Variants in DNMBP observed in about 807,000 individuals in gnomAD.
DNMBP encodes the protein dynamin-binding protein.
Under a neutral mutation model 150.0 loss-of-function variants are expected in DNMBP, and 87 were observed. That is an observed-to-expected ratio of 0.58 (90% CI 0.49 to 0.69). The LOEUF (loss-of-function observed/expected upper bound fraction) is 0.69. DNMBP is among the 30% of genes least tolerant of loss of function. The pLI is 0.00. For missense variants in DNMBP, 1,774 were observed against 1,949.0 expected, an observed-to-expected ratio of 0.91 and a Z score of 1.69; for synonymous variants, 711 against 750.4, an observed-to-expected ratio of 0.95 and a Z score of 0.86.
intron 16 of DNMBP, 51 bp downstream of exon 16, chr10:99,879,760 A>G: frequency 1.2e-6 from 2 of 1,600,368 alleles, no homozygotes; most frequent in Non-Finnish European, 1.7e-6. Context: ...TGGTACCCAC[A>G]ACACATCTGC....
chr10:99,961,947 C>T (rs907882059), intron 3 of DNMBP, among the ~76,000 whole-genome samples: 2 of 149,734 alleles, frequency 1.3e-5, no homozygotes, highest in Non-Finnish European at 3.0e-5. Flanking sequence ...ATTATCTCAC[C>T]TATGATATGA....
intron 2 of DNMBP, among the ~76,000 whole-genome samples, chr10:99,970,971 C>CAA (rs532226561): frequency 0.032 from 1,069 of 33,170 alleles, 199 homozygotes; most frequent in East Asian, 0.059. Context: ...GACTCCGTCT[C>CAA]AAAAAAAAAA....
intron 1 of DNMBP, among the ~76,000 whole-genome samples, chr10:99,984,095 T>G (rs769835675): frequency 4.6e-5 from 7 of 152,248 alleles, no homozygotes; most frequent in Admixed American, 6.5e-5. Flanking sequence ...ATTAAACTGC[T>G]GTTTTCCTTC....
chr10:99,890,255 G>A (rs1214437069), intron 11 of DNMBP, among the ~76,000 whole-genome samples: 2 of 152,156 alleles, frequency 1.3e-5, no homozygotes, highest in Non-Finnish European at 2.9e-5. Context: ...ATATGCCAAT[G>A]TAGATACCAA....
At chr10:99,928,191 G>A (rs1472178485) in intron 4 of DNMBP, 2 of 152,274 alleles carry the variant, frequency 1.3e-5, no homozygotes, top group East Asian at 1.9e-4. Flanking sequence ...GGTCCAAAAT[G>A]GTGCCCCAGA....
chr10:99,959,770 G>A (rs1024042471), intron 3 of DNMBP, among the ~76,000 whole-genome samples: 7 of 151,034 alleles, frequency 4.6e-5, no homozygotes, highest in Admixed American at 2.0e-4. Context: ...CAGGAGGATC[G>A]CTTCAGCCCA....
chr10:99,892,015 C>T (rs1385674392), intron 11 of DNMBP, among the ~76,000 whole-genome samples: 18 of 139,646 alleles, frequency 1.3e-4, no homozygotes, highest in Non-Finnish European at 2.6e-4. Context: ...CCCCTCTGCC[C>T]GGCCAGCCGC....
chr10:99,883,207 C>T (rs989920378), intron 15 of DNMBP, among the ~76,000 whole-genome samples: 2 of 151,808 alleles, frequency 1.3e-5, no homozygotes, highest in Admixed American at 6.6e-5. Flanking sequence ...CAGTATTATC[C>T]CTTGTACACT....
At chr10:99,936,056 A>G (rs2040226906) in intron 4 of DNMBP, among the ~76,000 whole-genome samples, 1 of 152,188 alleles carries the variant, frequency 6.6e-6, no homozygotes, top group South Asian at 2.1e-4. Context: ...GGAAATTTTA[A>G]CTATAAAAGT....
intron 1 of DNMBP, among the ~76,000 whole-genome samples, chr10:100,001,410 G>GTTTTTT (rs1346291816): frequency 4.2e-5 from 4 of 96,370 alleles, no homozygotes; most frequent in African/African-American, 7.8e-5. Flanking sequence ...TTTTGTTGTT[G>GTTTTTT]TTGTTTTTTT....
In DNMBP at chr10:99,955,811, GT is replaced by G; in HGVS notation, c.1662del (p.Gln554HisfsTer3). On this transcript the variant is annotated frameshift_variant, in exon 4 of 17. Coordinates refer to ENST00000324109, the MANE Select transcript of DNMBP (RefSeq NM_015221.4). LOFTEE classifies it high-confidence loss of function. ...AAGCTCTTCTCAAACTCGATCAGCT[GT>G]TGTGTCAGCTTCGAGTCCAGGTCAG... is the stretch of plus-strand genomic sequence containing the variant. Reference protein sequence around the residue: ...GSTDLDSKLTQQLIEFEKSLA... With the variant: ...GSTDLDSKLTXQLIEFEKSLA... The G allele has an allele frequency of 6.2e-7, 1 of 1,614,246 alleles. No individual in the cohort carries two copies. The highest frequency in any genetic ancestry group is 8.5e-7 in the Non-Finnish European group (1 of 1,180,044).
At chr10:99,904,720 C>T (rs2039799508) in intron 6 of DNMBP, among the ~76,000 whole-genome samples, 1 of 152,156 alleles carries the variant, frequency 6.6e-6, no homozygotes, top group Non-Finnish European at 1.5e-5. Context: ...GTCTTCAACA[C>T]ATCGAAGCCT....
At chr10:99,900,448 TAG>T (rs756474105) in intron 6 of DNMBP, among the ~76,000 whole-genome samples, 1 of 151,862 alleles carries the variant, frequency 6.6e-6, no homozygotes, top group Non-Finnish European at 1.5e-5. Context: ...GTATTTTTGG[TAG>T]AGAGGGGGTT....
At chr10:99,892,916 G>A (rs1203644925) in intron 11 of DNMBP, among the ~76,000 whole-genome samples, 2 of 152,190 alleles carry the variant, frequency 1.3e-5, no homozygotes, top group African/African-American at 4.8e-5. Context: ...TCAATAAACT[G>A]AGGTAGGGGG....
chr10:99,954,615 T>C (rs550686520), intron 4 of DNMBP, among the ~76,000 whole-genome samples: 19 of 151,522 alleles, frequency 1.3e-4, no homozygotes, highest in South Asian at 2.1e-4. Flanking sequence ...ATGGTGGCGC[T>C]TGCCTGTAAT....
chr10:99,923,524 C>T (rs879724383), intron 4 of DNMBP, among the ~76,000 whole-genome samples: 12 of 152,068 alleles, frequency 7.9e-5, no homozygotes, highest in Non-Finnish European at 1.5e-4. Flanking sequence ...CTGCTCCTCT[C>T]CCCAGCTGTT....
intron 4 of DNMBP, 130 bp downstream of exon 4, chr10:99,955,084 T>A: frequency 1.3e-6 from 1 of 777,910 alleles, no homozygotes; most frequent in Non-Finnish European, 2.1e-6. Context: ...GAAAAGAAAT[T>A]AGGTAATGAA....
intron 3 of DNMBP, among the ~76,000 whole-genome samples, chr10:99,968,635 C>T (rs2040644211): frequency 6.7e-6 from 1 of 149,656 alleles, no homozygotes. Context: ...TTGCAGTGAG[C>T]TGAGATCGCA....
chr10:99,879,782 C>T, intron 16 of DNMBP, 29 bp downstream of exon 16: 1 of 1,609,046 alleles, frequency 6.2e-7, no homozygotes, highest in Middle Eastern at 1.7e-4. Context: ...GCCGCCTGTG[C>T]CACAGTGGCA....
Sources: allele counts gnomAD v4.1 joint callset (sites outside exome capture counted in the v4.1 genomes callset), GRCh38; gene constraint gnomAD v4.1.1; transcripts MANE v1.5; gene names NCBI Gene and HGNC (gene_info 2026-07-23, HGNC 2026-07-21).